CHRM3: variants seen among roughly 807,000 people sequenced by gnomAD.
The protein encoded by CHRM3 is muscarinic acetylcholine receptor M3.
A neutral mutation model predicts 41.8 loss-of-function variants in CHRM3; 11 were observed. The ratio of observed to expected loss-of-function variants is 0.26; its 90% CI spans 0.17 to 0.44. The LOEUF (loss-of-function observed/expected upper bound fraction) is 0.44. CHRM3 is among the 20% of genes least tolerant of loss of function. CHRM3 has a pLI of 1.00. For synonymous variants in CHRM3, 297 were observed against 301.4 expected (o/e 0.99, Z 0.15); for missense variants, 571 against 745.4 (o/e 0.77, Z 2.72).
intron 3 of CHRM3, among the ~76,000 whole-genome samples, chr1:239,552,679 C>A (rs563631874): frequency 6.8e-6 from 1 of 147,076 alleles, no homozygotes; most frequent in Non-Finnish European, 1.5e-5. Flanking sequence ...TTTGTAGAGA[C>A]GGGGTTTCAC....
intron 5 of CHRM3, among the ~76,000 whole-genome samples, chr1:239,823,284 G>A (rs1672196514): frequency 6.6e-6 from 1 of 152,090 alleles, no homozygotes; most frequent in African/African-American, 2.4e-5. Context: ...ATTCAACTGG[G>A]AATATTAAAA....
At chr1:239,455,883 C>G (rs1453108618) in intron 1 of CHRM3, among the ~76,000 whole-genome samples, 1 of 152,198 alleles carries the variant, frequency 6.6e-6, no homozygotes, top group African/African-American at 2.4e-5. Context: ...CCACTCACCA[C>G]TCACTCACTG....
intron 5 of CHRM3, among the ~76,000 whole-genome samples, chr1:239,790,799 T>C (rs1311859132): frequency 6.6e-6 from 1 of 152,144 alleles, no homozygotes; most frequent in African/African-American, 2.4e-5. Flanking sequence ...GGAGCACAAA[T>C]GTGATAGAGC....
At chr1:239,602,236 G>A (rs1052805405) in intron 3 of CHRM3, among the ~76,000 whole-genome samples, 3 of 151,276 alleles carry the variant, frequency 2.0e-5, no homozygotes, top group Non-Finnish European at 4.4e-5. Context: ...CCAGGTTCAC[G>A]CCCGTCTTCC....
At chr1:239,607,789 CTT>C (rs904604575) in intron 3 of CHRM3, among the ~76,000 whole-genome samples, 3 of 151,996 alleles carry the variant, frequency 2.0e-5, no homozygotes, top group African/African-American at 7.2e-5. Flanking sequence ...TATTTGAAGT[CTT>C]TTTTTAATGC....
chr1:239,697,529 T>C lies in CHRM3; in HGVS notation c.-147+19241T>C, dbSNP rs145496637. Among the ~76,000 whole-genome samples, 559 of 152,202 alleles carry C rather than the reference T, an allele frequency of 3.7e-3. 5 individuals are homozygous for C. Among genetic ancestry groups the C allele is most frequent in the African/African-American group, 0.013 (542 of 41,502 alleles). ...AGAAGCATTTGAGCAAAAAATGATATCAGGGAAAATCAAGGCTCATAGATG... is the reference window on the plus strand; with the variant it reads ...AGAAGCATTTGAGCAAAAAATGATACCAGGGAAAATCAAGGCTCATAGATG... On this transcript the variant is annotated intron_variant, in intron 5 of 6. Transcript: ENST00000676153.
intron 5 of CHRM3, among the ~76,000 whole-genome samples, chr1:239,743,788 C>CTTTTTTTTT (rs10718514): frequency 6.9e-4 from 56 of 81,168 alleles, no homozygotes; most frequent in South Asian, 2.2e-3. Context: ...TTTTTTTTTT[C>CTTTTTTTTT]TTTTTTTTTT....
chr1:239,874,301 A>ATATATCTATATACACAGTG lies in CHRM3; in HGVS notation c.-19-33127_-19-33126insCTATATACACAGTGTATAT, dbSNP rs1553291981. ...ATATACACAGTATATATATATATAT[A>ATATATCTATATACACAGTG]TATATATATATATATATATATATAT... On this transcript the variant is annotated intron_variant, in intron 6 of 6. Coordinates refer to ENST00000676153, the MANE Select transcript of CHRM3 (RefSeq NM_001375978.1). Among the ~76,000 whole-genome samples, 50 of 123,812 alleles carry ATATATCTATATACACAGTG rather than the reference A, an allele frequency of 4.0e-4. 1 individual carries two copies. The highest frequency in any genetic ancestry group is 1.1e-3 in the Admixed American group (14 of 12,448). The allele number at this position is 123,812 out of a possible 152,430, so 81.2% of individuals were successfully genotyped here. A position where few individuals can be genotyped will look rare whatever the true frequency, so the allele number is the denominator to read the frequency against.
At chr1:239,513,902 A>T (rs933575767) in intron 2 of CHRM3, among the ~76,000 whole-genome samples, 1 of 152,114 alleles carries the variant, frequency 6.6e-6, no homozygotes, top group African/African-American at 2.4e-5. Context: ...TTTGTTCCAT[A>T]GTATTGCATT....
At chr1:239,774,070 C>A (rs528473447) in intron 5 of CHRM3, among the ~76,000 whole-genome samples, 1 of 152,150 alleles carries the variant, frequency 6.6e-6, no homozygotes, top group African/African-American at 2.4e-5. Flanking sequence ...GAAAATACCA[C>A]GTGTCTCATG....
chr1:239,899,817 C>T (rs1679368309), intron 6 of CHRM3: 1 of 152,170 alleles, frequency 6.6e-6, no homozygotes, highest in African/African-American at 2.4e-5. Flanking sequence ...GTGCCTGGAA[C>T]ACTTCAGTAA....
At chr1:239,887,271 A>G (rs1228754799) in intron 6 of CHRM3, among the ~76,000 whole-genome samples, 1 of 151,790 alleles carries the variant, frequency 6.6e-6, no homozygotes, top group Non-Finnish European at 1.5e-5. Context: ...GGGCAAGCTC[A>G]GCTCACTGCA....
intron 2 of CHRM3, among the ~76,000 whole-genome samples, chr1:239,534,316 ACT>A (rs1243442349): frequency 6.6e-6 from 1 of 152,138 alleles, no homozygotes; most frequent in Non-Finnish European, 1.5e-5. Flanking sequence ...ACAAAGCGAG[ACT>A]CTGTCTCAAA....
Position 239,638,939 on chromosome 1 carries a change from T to C in CHRM3, c.-250+6653T>C, listed in dbSNP as rs1274965866. Among the ~76,000 whole-genome samples, 3 of 152,206 alleles carry C rather than the reference T, an allele frequency of 2.0e-5. No individual in the cohort carries two copies. The East Asian group carries it at 5.8e-4, about 29-fold the overall frequency. ...TTAATCCATCTTGAATTAATTTTCATATAAGGTATAAGGAAGGGATCCAGT... is the reference window on the plus strand; with the variant it reads ...TTAATCCATCTTGAATTAATTTTCACATAAGGTATAAGGAAGGGATCCAGT... On this transcript the variant is annotated intron_variant, in intron 4 of 6. Coordinates refer to ENST00000676153, the MANE Select transcript of CHRM3 (RefSeq NM_001375978.1).
rs367766853 is a variant in CHRM3, at chr1:239,859,819, T to TTTTATATATATA, written c.-20+32442_-20+32443insTTATATATATAT. ...AAATTATATATAAGTTCTAAGTGTT[T>TTTTATATATATA]TATATATATATATATATATATATAT... On this transcript the variant is annotated intron_variant, in intron 6 of 6. Coordinates refer to ENST00000676153, the MANE Select transcript of CHRM3 (RefSeq NM_001375978.1). Among the ~76,000 whole-genome samples the TTTTATATATATA allele has an allele frequency of 3.3e-4, 43 of 131,404 alleles. No homozygotes were observed. In the East Asian group the frequency reaches 4.7e-3, roughly 14 times the overall value. 86.2% of individuals were successfully genotyped at this position (131,404 alleles called of 152,430 possible).
At chr1:239,772,722 C>T (rs114665287) in intron 5 of CHRM3, among the ~76,000 whole-genome samples, 280 of 152,188 alleles carry the variant, frequency 1.8e-3, no homozygotes, top group African/African-American at 6.5e-3. Flanking sequence ...TTCTGTGACT[C>T]CCTCTCTATA....
chr1:239,637,753 C>CT (rs891592821), intron 4 of CHRM3, among the ~76,000 whole-genome samples: 10 of 135,308 alleles, frequency 7.4e-5, no homozygotes, highest in South Asian at 4.8e-4. Context: ...TGTGAATTTT[C>CT]TTTTTTTTAA....
At chr1:239,759,098 A>C (rs543852542) in intron 5 of CHRM3, among the ~76,000 whole-genome samples, 1 of 152,030 alleles carries the variant, frequency 6.6e-6, no homozygotes, top group South Asian at 2.1e-4. Context: ...TACCTAAAGC[A>C]AAAAAGCAGG....
intron 2 of CHRM3, among the ~76,000 whole-genome samples, chr1:239,539,482 T>C (rs923231045): frequency 6.7e-6 from 1 of 149,538 alleles, no homozygotes; most frequent in Non-Finnish European, 1.5e-5. Context: ...GCAATTACTT[T>C]TGTCACTATT....
Sources: gnomAD v4.1 joint callset for allele counts (sites outside exome capture counted in the v4.1 genomes callset) on GRCh38, gnomAD v4.1.1 for gene constraint, MANE v1.5 for transcripts, NCBI Gene and HGNC (gene_info 2026-07-23, HGNC 2026-07-21) for gene names.